SUMF1: variants seen among roughly 807,000 people sequenced by gnomAD.
The protein encoded by SUMF1 is sulfatase modifying factor 1.
Under a neutral mutation model 47.6 loss-of-function variants are expected in SUMF1, and 48 were observed. The ratio of observed to expected loss-of-function variants is 1.01; its 90% CI spans 0.80 to 1.28. The LOEUF (loss-of-function observed/expected upper bound fraction) is 1.28. SUMF1 is among the 50% of genes most tolerant of loss of function. SUMF1 has a pLI of 0.00. For missense variants in SUMF1, 571 were observed against 485.4 expected (o/e 1.18, Z -1.66); for synonymous variants, 230 against 192.1 (o/e 1.20, Z -1.63).
intron 8 of SUMF1, among the ~76,000 whole-genome samples, chr3:4,226,251 T>C (rs1696170048): frequency 6.8e-6 from 1 of 146,498 alleles, no homozygotes; most frequent in Non-Finnish European, 1.5e-5. Flanking sequence ...TGATTATTGT[T>C]TTTTTTTTGT....
intron 8 of SUMF1, among the ~76,000 whole-genome samples, chr3:4,155,815 C>A (rs1210416542): frequency 6.6e-6 from 1 of 151,164 alleles, no homozygotes; most frequent in Non-Finnish European, 1.5e-5. Flanking sequence ...AGGGGAAATG[C>A]CCTAACATCA....
rs1365894654 is a variant in SUMF1 at position 4,226,648 on chromosome 3, T to A, written c.1014+149682A>T. Among the ~76,000 whole-genome samples the A allele has an allele frequency of 2.6e-5, 4 of 152,082 alleles. No homozygotes were observed. The East Asian group carries it at 7.7e-4, about 29-fold the overall frequency. On this transcript the variant is annotated intron_variant and NMD_transcript_variant, in intron 8 of 12. Transcript: ENST00000448413. ...TGGTTATTTTATTAATATATTCATT[T>A]CCATATTTTATATGGAATTGGATGC...
intron 8 of SUMF1, among the ~76,000 whole-genome samples, chr3:4,250,222 GAA>G (rs1696766239): frequency 6.9e-6 from 1 of 144,224 alleles, no homozygotes; most frequent in Non-Finnish European, 1.5e-5. Flanking sequence ...AGAAAGGAAA[GAA>G]AGAAAGGGAG....
chr3:4,316,350 C>G, intron 8 of SUMF1: 8 of 1,478,654 alleles, frequency 5.4e-6, no homozygotes, highest in Non-Finnish European at 7.4e-6. Flanking sequence ...ACGTACAGTG[C>G]AGTGGTGGTT....
intron 8 of SUMF1, among the ~76,000 whole-genome samples, chr3:4,273,402 A>G (rs1697342202): frequency 6.6e-6 from 1 of 152,112 alleles, no homozygotes; most frequent in South Asian, 2.1e-4. Context: ...ATATGCTTTA[A>G]AACCCTAAAG....
chr3:4,427,149 AAAAG>A (rs1290684856), intron 3 of SUMF1, among the ~76,000 whole-genome samples: 1 of 152,236 alleles, frequency 6.6e-6, no homozygotes. Flanking sequence ...CAGCACAGGA[AAAAG>A]AAAGCTCTGT....
At chr3:4,245,233 A>T (rs1696635190) in intron 8 of SUMF1, among the ~76,000 whole-genome samples, 1 of 152,030 alleles carries the variant, frequency 6.6e-6, no homozygotes, top group Non-Finnish European at 1.5e-5. Context: ...TCTGAAGCCT[A>T]CTTCTGTCAA....
rs57917204 is a variant in SUMF1, at chr3:4,191,546, A to T, written c.1015-122801T>A. On this transcript the variant is annotated intron_variant and NMD_transcript_variant, in intron 8 of 12. Transcript: ENST00000448413. ...ATATATTGAAAGGATAATTCAGGCT[A>T]TGGCATGGGGAATGAATTGAAAGAA... Among the ~76,000 whole-genome samples, 970 of 152,262 alleles carry T rather than the reference A, an allele frequency of 6.4e-3. 17 individuals are homozygous for T. Among genetic ancestry groups the T allele is most frequent in the African/African-American group, 0.022 (931 of 41,582 alleles).
chr3:4,430,394 C>A (rs1702196314), intron 3 of SUMF1, among the ~76,000 whole-genome samples: 1 of 152,162 alleles, frequency 6.6e-6, no homozygotes, highest in African/African-American at 2.4e-5. Flanking sequence ...TATTACATCA[C>A]TAGCCATGTA....
intron 8 of SUMF1, among the ~76,000 whole-genome samples, chr3:4,355,982 T>C (rs1029094903): frequency 1.2e-4 from 18 of 152,220 alleles, no homozygotes; most frequent in African/African-American, 4.3e-4. Flanking sequence ...GGAAAGAGCA[T>C]TTCTCATTTT....
At chr3:4,455,800 A>T (rs1023097899) in intron 1 of SUMF1, among the ~76,000 whole-genome samples, 2 of 152,216 alleles carry the variant, frequency 1.3e-5, no homozygotes, top group Admixed American at 6.5e-5. Flanking sequence ...AATTTAAAGA[A>T]GAACTAATAC....
chr3:4,339,506 T>C (rs1699224801), intron 8 of SUMF1, among the ~76,000 whole-genome samples: 1 of 152,144 alleles, frequency 6.6e-6, no homozygotes, highest in African/African-American at 2.4e-5. Context: ...CTTTTTAGGG[T>C]GGCTCCATGT....
At chr3:4,040,832 G>A (rs919308161) in intron 9 of SUMF1, among the ~76,000 whole-genome samples, 1 of 152,246 alleles carries the variant, frequency 6.6e-6, no homozygotes, top group Middle Eastern at 3.4e-3. Context: ...TTTCAGTTTG[G>A]GGTGTGAAAC....
intron 8 of SUMF1, among the ~76,000 whole-genome samples, chr3:4,175,330 TC>T (rs1342220046): frequency 1.8e-4 from 27 of 152,026 alleles, no homozygotes; most frequent in Non-Finnish European, 4.4e-5. Flanking sequence ...AGATGAAACT[TC>T]CAGAGGAAGG....
intron 2 of SUMF1, among the ~76,000 whole-genome samples, chr3:4,449,746 A>T (rs1231391967): frequency 2.6e-5 from 4 of 152,214 alleles, no homozygotes; most frequent in Non-Finnish European, 4.4e-5. Context: ...GTTTGCTCAC[A>T]TTCTGACACA....
At chr3:4,243,188 T>A (rs1575012180) in intron 8 of SUMF1, among the ~76,000 whole-genome samples, 1 of 152,184 alleles carries the variant, frequency 6.6e-6, no homozygotes, top group African/African-American at 2.4e-5. Context: ...GGTCTATCTA[T>A]TTTGTTGATC....
chr3:4,297,848 G>C (rs13093975), intron 8 of SUMF1, among the ~76,000 whole-genome samples: 48,972 of 151,938 alleles, frequency 0.32, 9,078 homozygotes, highest in Non-Finnish European at 0.43. Context: ...GTGAAACTTT[G>C]ATAAAAGAAT....
Position 4,287,407 on chromosome 3 carries a change from T to TAAAA in SUMF1, c.1014+88919_1014+88922dup, listed in dbSNP as rs3075654. 6.2e-3 allele frequency among the ~76,000 whole-genome samples: 924 copies of TAAAA among 149,970 alleles called. 11 individuals are homozygous for TAAAA. The highest frequency in any genetic ancestry group is 0.021 in the African/African-American group (878 of 41,070). ...TTAGAAGAATAATGAACATAAATTG[T>TAAAA]AAAAAAAAAAAATCTTTCACACATT... On this transcript the variant is annotated intron_variant and NMD_transcript_variant, in intron 8 of 12. Coordinates refer to the SUMF1 transcript ENST00000448413.
At chr3:4,036,478 A>C (rs1389636302) in intron 9 of SUMF1, among the ~76,000 whole-genome samples, 1 of 152,190 alleles carries the variant, frequency 6.6e-6, no homozygotes, top group South Asian at 2.1e-4. Context: ...AAAAAGAAAA[A>C]ATGAAGGCTC....
Sources: gnomAD v4.1 joint callset for allele counts (sites outside exome capture counted in the v4.1 genomes callset) on GRCh38, gnomAD v4.1.1 for gene constraint, MANE v1.5 for transcripts, NCBI Gene and HGNC (gene_info 2026-07-23, HGNC 2026-07-21) for gene names.